Variants in DDX46 observed in about 807,000 individuals in gnomAD.
DDX46 encodes probable ATP-dependent RNA helicase DDX46.
A neutral mutation model predicts 134.9 loss-of-function variants in DDX46; 30 were observed. The observed-to-expected ratio is 0.22, with a 90% CI of 0.17 to 0.30. The LOEUF (loss-of-function observed/expected upper bound fraction) is 0.30. DDX46 is among the 10% of genes least tolerant of loss of function. The pLI is 1.00. For missense variants in DDX46, 622 were observed against 1,248.7 expected, an observed-to-expected ratio of 0.50 and a Z score of 7.56; for synonymous variants, 415 against 404.1, an observed-to-expected ratio of 1.03 and a Z score of -0.32.
chr5:134,814,164 GT>G (rs1201113009), intron 18 of DDX46, among the ~76,000 whole-genome samples: 1 of 151,108 alleles, frequency 6.6e-6, no homozygotes. Flanking sequence ...CTATTTTATT[GT>G]TGTTAATCTC....
At chr5:134,790,167 T>C (rs1383814337) in intron 12 of DDX46, 3 of 515,342 alleles carry the variant, frequency 5.8e-6, no homozygotes, top group Non-Finnish European at 1.1e-5. Flanking sequence ...AGTTTTATGA[T>C]GTGTTTTGGA....
At position 134,818,003 on chromosome 5, in the gene DDX46, A is replaced by G. The variant is rs188920122; in HGVS notation, c.2832+289A>G. ...TTGCTCTTATCGCCTAGGCTGGGGT[A>G]CAATGGTGCGATCTCGACTCACCTC... On this transcript the variant is annotated intron_variant, in intron 20 of 22. Transcript: ENST00000452510. Among the ~76,000 whole-genome samples the G allele has an allele frequency of 1.8e-3, 266 of 149,640 alleles. 2 individuals are homozygous for G. The highest frequency in any genetic ancestry group is 6.2e-3 in the African/African-American group (252 of 40,620).
Position 134,792,038 on chromosome 5 carries a change from A to G in DDX46, c.1626+1486A>G, listed in dbSNP as rs138155962. 8.5e-3 allele frequency among the ~76,000 whole-genome samples: 1,295 copies of G among 151,918 alleles called. 6 individuals carry two copies. Among genetic ancestry groups the G allele is most frequent in the Middle Eastern group, 0.041 (12 of 294 alleles). On this transcript the variant is annotated intron_variant, in intron 13 of 22. Transcript: ENST00000452510. ...CTAAAAATACAAAAATTAGCTGGACATGGTGACGGGCGCCTGTAATCCCAG... is the reference window on the plus strand; with the variant it reads ...CTAAAAATACAAAAATTAGCTGGACGTGGTGACGGGCGCCTGTAATCCCAG...
At position 134,767,070 on chromosome 5, in the gene DDX46, T is replaced by C. The variant is rs767636681; in HGVS notation, c.350+10T>C. 7 of 1,609,878 alleles carry C rather than the reference T, an allele frequency of 4.3e-6. No homozygotes were observed. The highest frequency in any genetic ancestry group is 2.2e-5 in the South Asian group (2 of 90,532). On this transcript the variant is annotated intron_variant, in intron 3 of 22. Coordinates refer to ENST00000452510, the MANE Select transcript of DDX46 (RefSeq NM_001300860.2). ...AGAAAACTGAGAATAGGTAATGTTA[T>C]CATTGGGCTGCATCTATAGTGCAGA...
At chr5:134,776,118 G>T (rs919903320) in intron 5 of DDX46, among the ~76,000 whole-genome samples, 6 of 152,154 alleles carry the variant, frequency 3.9e-5, no homozygotes, top group East Asian at 1.9e-4. Flanking sequence ...GAGGCTGGGC[G>T]CGCTGGTGCA....
chr5:134,792,405 C>T (rs1001743203), intron 13 of DDX46, among the ~76,000 whole-genome samples: 5 of 152,014 alleles, frequency 3.3e-5, no homozygotes, highest in Non-Finnish European at 5.9e-5. Context: ...AACATTGCTT[C>T]GTGAGGGAGC....
At chr5:134,820,563 C>G (rs981473131) in intron 21 of DDX46, among the ~76,000 whole-genome samples, 1 of 152,150 alleles carries the variant, frequency 6.6e-6, no homozygotes, top group African/African-American at 2.4e-5. Context: ...GGGGTTTCAC[C>G]ATGTTGGCCA....
intron 21 of DDX46, 89 bp from the exon 22 acceptor site, chr5:134,826,858 T>C: frequency 7.6e-7 from 1 of 1,316,248 alleles, no homozygotes; most frequent in Non-Finnish European, 1.0e-6. Flanking sequence ...GAAAGTCACC[T>C]ACAGTGTTTC....
chr5:134,787,090 T>G (rs1024171461), intron 11 of DDX46, among the ~76,000 whole-genome samples: 1 of 151,818 alleles, frequency 6.6e-6, no homozygotes, highest in Non-Finnish European at 1.5e-5. Flanking sequence ...ACCCGGCTAG[T>G]TTTTGTATTT....
intron 1 of DDX46, among the ~76,000 whole-genome samples, chr5:134,761,855 C>T (rs1753397473): frequency 6.6e-6 from 1 of 152,158 alleles, no homozygotes; most frequent in African/African-American, 2.4e-5. Context: ...TATCTCATGC[C>T]TGGATGATTG....
intron 5 of DDX46, among the ~76,000 whole-genome samples, chr5:134,776,433 C>T (rs1753939653): frequency 6.6e-6 from 1 of 151,750 alleles, no homozygotes; most frequent in Non-Finnish European, 1.5e-5. Context: ...AATATACTTA[C>T]TGTCCATTAA....
intron 4 of DDX46, among the ~76,000 whole-genome samples, chr5:134,772,435 T>C (rs867055909): frequency 1.3e-5 from 2 of 151,582 alleles, no homozygotes; most frequent in African/African-American, 4.9e-5. Flanking sequence ...GATAGGAGAA[T>C]GGCTTGAACC....
chr5:134,827,931 A>G (rs1755634164), intron 22 of DDX46, among the ~76,000 whole-genome samples: 1 of 152,192 alleles, frequency 6.6e-6, no homozygotes, highest in South Asian at 2.1e-4. Context: ...GTATTGCTAA[A>G]TAGTTTTCCA....
At chr5:134,811,892 T>A in intron 18 of DDX46, 47 bp downstream of exon 18, 1 of 1,586,712 alleles carries the variant, frequency 6.3e-7, no homozygotes, top group South Asian at 1.2e-5. Context: ...GTTATTTCTT[T>A]TGTACTGGAG....
At chr5:134,806,940 C>A (rs1714655768) in intron 15 of DDX46, among the ~76,000 whole-genome samples, 2 of 152,056 alleles carry the variant, frequency 1.3e-5, no homozygotes, top group South Asian at 4.1e-4. Flanking sequence ...CATTTGGGTA[C>A]TTCTAAACCA....
intron 3 of DDX46, among the ~76,000 whole-genome samples, chr5:134,770,548 A>G (rs963717014): frequency 1.3e-5 from 2 of 152,184 alleles, no homozygotes; most frequent in Non-Finnish European, 2.9e-5. Context: ...GAGGTGGCTC[A>G]TGCCTATAAT....
At chr5:134,787,447 T>C (rs1325522504) in intron 11 of DDX46, among the ~76,000 whole-genome samples, 1 of 152,246 alleles carries the variant, frequency 6.6e-6, no homozygotes, top group Non-Finnish European at 1.5e-5. Flanking sequence ...TTTTCTGAAC[T>C]TAACTACAAA....
intron 10 of DDX46, among the ~76,000 whole-genome samples, chr5:134,784,946 T>G (rs1227870738): frequency 6.6e-6 from 1 of 152,250 alleles, no homozygotes; most frequent in Admixed American, 6.5e-5. Flanking sequence ...ATGCCAGCAT[T>G]TCATTCAAGA....
intron 9 of DDX46, among the ~76,000 whole-genome samples, chr5:134,783,882 G>A (rs933669659): frequency 6.9e-6 from 1 of 145,658 alleles, no homozygotes; most frequent in African/African-American, 2.5e-5. Context: ...ATGGGGTGTC[G>A]CTATGTTGAC....
Sources: allele counts gnomAD v4.1 joint callset (sites outside exome capture counted in the v4.1 genomes callset), GRCh38; gene constraint gnomAD v4.1.1; transcripts MANE v1.5; gene names NCBI Gene and HGNC (gene_info 2026-07-23, HGNC 2026-07-21).